The following COP1 variants were observed in gnomAD, a reference collection of about 807,000 sequenced individuals.
The protein encoded by COP1 is E3 ubiquitin-protein ligase COP1.
COP1 carries 24 observed loss-of-function variants against 101.3 expected under a neutral mutation model. The ratio of observed to expected loss-of-function variants is 0.24; its 90% confidence interval spans 0.17 to 0.33. COP1 has a LOEUF of 0.33. Among genes scored for constraint, COP1 ranks in the 10% least tolerant of loss-of-function variants. COP1 has a pLI of 1.00. For missense variants in COP1, 663 were observed against 906.2 expected (o/e 0.73, Z 3.45); for synonymous variants, 347 against 341.9 (o/e 1.01, Z -0.17).
chr1:176,160,846 C>G (rs1436374782), intron 5 of COP1, among the ~76,000 whole-genome samples: 1 of 152,100 alleles, frequency 6.6e-6, no homozygotes, highest in East Asian at 1.9e-4. Flanking sequence ...ATGAAGCAGT[C>G]CAGAGAGCTT....
rs141826235 is a variant in COP1, at chr1:176,135,678, C to A, written c.892-592G>T. Among the ~76,000 whole-genome samples, 400 of 152,126 alleles carry A rather than the reference C, an allele frequency of 2.6e-3. 3 individuals are homozygous for A. The highest frequency in any genetic ancestry group is 9.2e-3 in the African/African-American group (382 of 41,566). On this transcript the variant is annotated intron_variant, in intron 7 of 19. Transcript: ENST00000367669. Reference sequence around the variant, plus strand: ...CCTAATCAACCATTATATAAATTTTCTCTCTCACACTGACAACCTAGCTTC... The same window carrying A: ...CCTAATCAACCATTATATAAATTTTATCTCTCACACTGACAACCTAGCTTC...
intron 5 of COP1, among the ~76,000 whole-genome samples, chr1:176,153,411 A>G (rs979435138): frequency 1.3e-5 from 2 of 152,206 alleles, no homozygotes; most frequent in Admixed American, 6.5e-5. Context: ...ACAGAAATGA[A>G]TACTAGTGAT....
intron 15 of COP1, among the ~76,000 whole-genome samples, chr1:176,016,428 A>C (rs558546889): frequency 6.6e-6 from 1 of 152,302 alleles, no homozygotes; most frequent in South Asian, 2.1e-4. Flanking sequence ...AAATGAAATA[A>C]GGGCTTGAAT....
chr1:176,035,004 C>A (rs560227409), intron 14 of COP1, among the ~76,000 whole-genome samples: 15 of 152,228 alleles, frequency 9.9e-5, no homozygotes, highest in East Asian at 1.9e-4. Context: ...CAACATCTTA[C>A]AATATAATAT....
chr1:176,129,692 A>G (rs1486500478), intron 8 of COP1, among the ~76,000 whole-genome samples: 1 of 151,866 alleles, frequency 6.6e-6, no homozygotes, highest in Non-Finnish European at 1.5e-5. Context: ...AAACTAAGTT[A>G]TCCGATGTTC....
At chr1:176,111,300 T>TG (rs1307451610) in intron 9 of COP1, among the ~76,000 whole-genome samples, 18 of 152,232 alleles carry the variant, frequency 1.2e-4, no homozygotes, top group East Asian at 3.9e-4. Context: ...TTATTTATTT[T>TG]TTGTGTGTGT....
intron 19 of COP1, among the ~76,000 whole-genome samples, chr1:175,946,275 A>C (rs1251509778): frequency 5.9e-5 from 9 of 152,174 alleles, no homozygotes; most frequent in African/African-American, 9.6e-5. Context: ...TGGCTGCCTA[A>C]AAAAGGAGAC....
intron 18 of COP1, among the ~76,000 whole-genome samples, chr1:175,950,919 T>C (rs192476098): frequency 6.6e-6 from 1 of 152,316 alleles, no homozygotes; most frequent in African/African-American, 2.4e-5. Flanking sequence ...TTTATCTTTA[T>C]TGACTTGCTT....
chr1:175,946,605 C>T (rs966905922), intron 19 of COP1, among the ~76,000 whole-genome samples: 54 of 152,208 alleles, frequency 3.5e-4, no homozygotes, highest in Admixed American at 1.3e-4. Flanking sequence ...GTATCATGTA[C>T]AAGTGCTATA....
chr1:176,027,716 A>C (rs1394380221), intron 14 of COP1, 28 bp from the exon 15 acceptor site: 1 of 1,310,196 alleles, frequency 7.6e-7, no homozygotes, highest in Admixed American at 1.7e-5. Flanking sequence ...TAAAAACAAA[A>C]AGAGAAACAA....
In COP1 at chr1:176,158,636, T is replaced by TC. The variant is rs1356426106; in HGVS notation, c.762+4232_762+4233insG. ...GTATACTGTTTTTAAGGTTCTTTTT[T>TC]TTTTTTTTTTTTTTTTTTGTGGAGA... On this transcript the variant is annotated intron_variant, in intron 5 of 19. Transcript: ENST00000367669. 4.4e-4 allele frequency among the ~76,000 whole-genome samples: 59 copies of TC among 133,366 alleles called. 2 individuals carry two copies. The South Asian group carries it at 0.015, about 35-fold the overall frequency. 87.5% of individuals were successfully genotyped at this position (133,366 alleles called of 152,430 possible).
intron 12 of COP1, among the ~76,000 whole-genome samples, chr1:176,044,906 T>C (rs1386413082): frequency 1.3e-5 from 2 of 152,196 alleles, no homozygotes; most frequent in Non-Finnish European, 2.9e-5. Context: ...ACGTTTTCAT[T>C]ATGTAATATA....
At chr1:176,070,733 C>T (rs1387073581) in intron 11 of COP1, among the ~76,000 whole-genome samples, 1 of 152,128 alleles carries the variant, frequency 6.6e-6, no homozygotes, top group Non-Finnish European at 1.5e-5. Flanking sequence ...CTCACTGTAA[C>T]CTTGAGCTCC....
intron 8 of COP1, among the ~76,000 whole-genome samples, chr1:176,124,079 A>C (rs189121154): frequency 6.6e-6 from 1 of 152,160 alleles, no homozygotes; most frequent in South Asian, 2.1e-4. Flanking sequence ...TTTTATCATC[A>C]TCATCAAGCA....
Position 176,046,310 on chromosome 1 carries a change from C to T in COP1, c.1292G>A (p.Arg431Gln), listed in dbSNP as rs1337602892. 5 of 1,607,598 alleles carry T rather than the reference C, an allele frequency of 3.1e-6. No homozygotes were observed. The highest frequency in any genetic ancestry group is 4.2e-6 in the Non-Finnish European group (5 of 1,178,012). ...SSIVSSIEFD[R>Q]DCDYFAIAGV... ...AGCAATCGCAAAATAGTCACAATCC[C>T]GGTCAAATTCAATACTAAGGGGAAA... The change falls in exon 12 of 20, where the codon CGG (arginine) becomes CAG (glutamine). Residue 431 changes from arginine (R) to glutamine (Q), a missense_variant. Physicochemically the swap from Arg to Gln is conservative, Grantham distance 43. Coordinates refer to ENST00000367669, the MANE Select transcript of COP1 (RefSeq NM_022457.7).
chr1:176,134,114 T>C (rs1689409155), intron 8 of COP1, among the ~76,000 whole-genome samples: 1 of 152,014 alleles, frequency 6.6e-6, no homozygotes. Flanking sequence ...CATGATGTAC[T>C]GAACTAGATC....
chr1:176,116,618 G>C lies in COP1; in HGVS notation c.1026+6C>G. Reference sequence around the variant, plus strand: ...TATCATTAAAGCAAACAAAGATATCGTTTACCTGAGAACTGCCACTGAAAC... The same window carrying C: ...TATCATTAAAGCAAACAAAGATATCCTTTACCTGAGAACTGCCACTGAAAC... On this transcript the variant is annotated splice_donor_region_variant and intron_variant, in intron 9 of 19. Transcript: ENST00000367669. 1 of 1,600,410 alleles carries C rather than the reference G, an allele frequency of 6.2e-7. No individual in the cohort carries two copies. Among genetic ancestry groups the C allele is most frequent in the Non-Finnish European group, 8.6e-7 (1 of 1,168,652 alleles).
At chr1:176,115,764 A>G (rs143003575) in intron 9 of COP1, among the ~76,000 whole-genome samples, 2,418 of 152,192 alleles carry the variant, frequency 0.016, 33 homozygotes, top group Non-Finnish European at 0.023. Context: ...ATAAAATAAA[A>G]TATAAAAATA....
At chr1:176,027,523 T>C in intron 15 of COP1, 49 bp downstream of exon 15, 1 of 1,068,952 alleles carries the variant, frequency 9.4e-7, no homozygotes, top group Non-Finnish European at 1.5e-6. Context: ...ATCCTTACCA[T>C]GATATTTAAC....
Sources: gnomAD v4.1 joint callset for allele counts (sites outside exome capture counted in the v4.1 genomes callset) on GRCh38, gnomAD v4.1.1 for gene constraint, MANE v1.5 for transcripts, NCBI Gene and HGNC (gene_info 2026-07-23, HGNC 2026-07-21) for gene names.